CACNA1E: variants seen among roughly 807,000 people sequenced by gnomAD.
CACNA1E encodes voltage-dependent R-type calcium channel subunit alpha-1E.
In CACNA1E, 40 loss-of-function variants were observed where a neutral mutation model predicts 259.2. The observed-to-expected ratio is 0.15, with a 90% CI of 0.12 to 0.20. The LOEUF (loss-of-function observed/expected upper bound fraction) is 0.20. CACNA1E is among the 10% of genes least tolerant of loss of function. The pLI is 1.00. For missense variants in CACNA1E, 1,874 were observed against 3,040.1 expected (o/e 0.62, Z 9.02); for synonymous variants, 1,104 against 1,138.5 (o/e 0.97, Z 0.61).
intron 1 of CACNA1E, among the ~76,000 whole-genome samples, chr1:181,504,633 A>G (rs1354108122): frequency 1.3e-5 from 2 of 152,244 alleles, no homozygotes; most frequent in Non-Finnish European, 2.9e-5. Context: ...GCTCCAGGCC[A>G]GGCCCCCAGG....
At chr1:181,621,831 C>T (rs1185488444) in intron 6 of CACNA1E, among the ~76,000 whole-genome samples, 1 of 152,106 alleles carries the variant, frequency 6.6e-6, no homozygotes, top group African/African-American at 2.4e-5. Flanking sequence ...GCTACCTAGC[C>T]TTGCACTGTG....
In CACNA1E at chr1:181,468,239, G is replaced by A. The variant is rs59556132; in HGVS notation, c.435-15505G>A. On this transcript the variant is annotated intron_variant, in intron 2 of 11. Transcript: ENST00000524607. ...TGTACTCGAGATGTGAGCTTTGCAG[G>A]TTCACGGTGACCACTGTGTCTGCCT... is the stretch of plus-strand genomic sequence containing the variant. Among the ~76,000 whole-genome samples the A allele has an allele frequency of 6.5e-3, 983 of 152,324 alleles. 9 individuals are homozygous for A. The highest frequency in any genetic ancestry group is 0.023 in the African/African-American group (937 of 41,562).
intron 7 of CACNA1E, among the ~76,000 whole-genome samples, chr1:181,674,751 C>A (rs1174489592): frequency 6.6e-6 from 1 of 152,208 alleles, no homozygotes; most frequent in Non-Finnish European, 1.5e-5. Context: ...TCTCTCTCTA[C>A]ACCCCAGCAC....
intron 1 of CACNA1E, among the ~76,000 whole-genome samples, chr1:181,386,885 A>G (rs1241191174): frequency 6.6e-6 from 1 of 152,132 alleles, no homozygotes; most frequent in Non-Finnish European, 1.5e-5. Context: ...TTTCTCCTCA[A>G]TGAGTCTGCA....
chr1:181,640,183 G>C (rs1657619580), intron 6 of CACNA1E, among the ~76,000 whole-genome samples: 1 of 152,208 alleles, frequency 6.6e-6, no homozygotes, highest in South Asian at 2.1e-4. Context: ...GAGGTGATGG[G>C]AAGATATTTT....
intron 2 of CACNA1E, among the ~76,000 whole-genome samples, chr1:181,443,263 C>G (rs1411084642): frequency 6.6e-6 from 1 of 152,216 alleles, no homozygotes; most frequent in Non-Finnish European, 1.5e-5. Context: ...AGGTGGTGGA[C>G]AGAACTGTAC....
intron 1 of CACNA1E, among the ~76,000 whole-genome samples, chr1:181,400,616 G>A (rs765897209): frequency 7.9e-5 from 12 of 152,124 alleles, no homozygotes; most frequent in East Asian, 1.9e-4. Flanking sequence ...CAAGGTCCCC[G>A]TGCCCCTCTT....
chr1:181,705,712 C>T (rs1043322660), intron 7 of CACNA1E, among the ~76,000 whole-genome samples: 6 of 152,180 alleles, frequency 3.9e-5, no homozygotes, highest in Non-Finnish European at 8.8e-5. Context: ...GAATGAAACA[C>T]GACTTGGATT....
intron 3 of CACNA1E, among the ~76,000 whole-genome samples, chr1:181,536,914 G>T (rs80143454): frequency 6.6e-6 from 1 of 151,950 alleles, no homozygotes; most frequent in Admixed American, 6.6e-5. Flanking sequence ...AAGGAGGAGG[G>T]TTAAAGTGAG....
At chr1:181,360,101 G>A (rs1225199050) in intron 1 of CACNA1E, among the ~76,000 whole-genome samples, 1 of 152,170 alleles carries the variant, frequency 6.6e-6, no homozygotes, top group African/African-American at 2.4e-5. Flanking sequence ...GGCCATAGGG[G>A]CAGCACCACA....
At chr1:181,608,064 G>A (rs369472317) in intron 6 of CACNA1E, among the ~76,000 whole-genome samples, 2 of 152,146 alleles carry the variant, frequency 1.3e-5, no homozygotes, top group African/African-American at 2.4e-5. Context: ...CTGCCTGACC[G>A]TGACCACAGA....
chr1:181,325,052 G>T (rs1650659925), intron 1 of CACNA1E, among the ~76,000 whole-genome samples: 1 of 152,066 alleles, frequency 6.6e-6, no homozygotes, highest in South Asian at 2.1e-4. Flanking sequence ...TGCTCAGAGG[G>T]GCTCTCAGTC....
At chr1:181,466,141 C>T (rs993873426) in intron 2 of CACNA1E, among the ~76,000 whole-genome samples, 1 of 152,176 alleles carries the variant, frequency 6.6e-6, no homozygotes, top group Non-Finnish European at 1.5e-5. Context: ...GTTTATTTAA[C>T]TGAAGGTACA....
At chr1:181,484,194 T>C (rs796152359) in intron 1 of CACNA1E, among the ~76,000 whole-genome samples, 184 bp downstream of exon 1, 9 of 152,260 alleles carry the variant, frequency 5.9e-5, no homozygotes, top group African/African-American at 2.2e-4. Flanking sequence ...TGGGCACTAG[T>C]GTTTTTCAAG....
intron 3 of CACNA1E, among the ~76,000 whole-genome samples, chr1:181,525,169 C>A (rs1667265815): frequency 6.6e-6 from 1 of 152,190 alleles, no homozygotes; most frequent in African/African-American, 2.4e-5. Flanking sequence ...AATAAATGTG[C>A]TCTACTCTGT....
intron 2 of CACNA1E, among the ~76,000 whole-genome samples, chr1:181,416,156 G>A (rs935704989): frequency 1.3e-5 from 2 of 152,194 alleles, no homozygotes; most frequent in African/African-American, 2.4e-5. Context: ...CTCACAGGTC[G>A]CATGTGAAAA....
upstream of CACNA1E, among the ~76,000 whole-genome samples, chr1:181,480,563 C>T (rs888960213): frequency 4.6e-5 from 7 of 152,286 alleles, no homozygotes; most frequent in African/African-American, 1.4e-4. Context: ...GAATACAGGA[C>T]GTGGAATACT....
At chr1:181,717,911 G>A (rs1654053118) in intron 11 of CACNA1E, 144 bp from the exon 12 acceptor site, 2 of 584,656 alleles carry the variant, frequency 3.4e-6, no homozygotes, top group South Asian at 2.1e-5. Context: ...ACATCATTAG[G>A]CTCTGTCCAG....
intron 8 of CACNA1E, among the ~76,000 whole-genome samples, 180 bp from the exon 9 acceptor site, chr1:181,715,158 A>G (rs1653767550): frequency 6.6e-6 from 1 of 152,124 alleles, no homozygotes; most frequent in African/African-American, 2.4e-5. Context: ...TTCTGTTCTC[A>G]GGAGCTCTCT....
Sources: gnomAD v4.1 joint callset for allele counts (sites outside exome capture counted in the v4.1 genomes callset) on GRCh38, gnomAD v4.1.1 for gene constraint, MANE v1.5 for transcripts, NCBI Gene and HGNC (gene_info 2026-07-23, HGNC 2026-07-21) for gene names.